Variants in KAT6A observed in about 807,000 individuals in gnomAD.
The protein encoded by KAT6A is lysine acetyltransferase 6A.
In KAT6A, 9 loss-of-function variants were observed where a neutral mutation model predicts 198.4. The observed-to-expected ratio is 0.05, with a 90% CI of 0.03 to 0.08. The LOEUF (loss-of-function observed/expected upper bound fraction) is 0.08, where lower values mean the gene tolerates loss of function less well. Ranked by LOEUF, KAT6A falls within the 10% of genes least tolerant of loss-of-function variation. The probability of loss-of-function intolerance (pLI) is 1.00; values close to 1 mark genes in which losing one functional copy is unlikely to be tolerated. For missense variants in KAT6A, 2,077 were observed against 2,509.9 expected (o/e 0.83, Z 3.69); for synonymous variants, 890 against 883.0 (o/e 1.01, Z -0.14).
intron 3 of KAT6A, among the ~76,000 whole-genome samples, chr8:41,985,666 C>G (rs887534633): frequency 6.6e-6 from 1 of 152,194 alleles, no homozygotes; most frequent in African/African-American, 2.4e-5. Context: ...GAGGCAGACA[C>G]AGTAACTCCT....
intron 2 of KAT6A, among the ~76,000 whole-genome samples, chr8:42,024,082 G>A (rs915349912): frequency 6.6e-6 from 1 of 152,050 alleles, no homozygotes; most frequent in Non-Finnish European, 1.5e-5. Flanking sequence ...TAATAAGAAG[G>A]AGTACACTCT....
Position 42,042,780 on chromosome 8 carries a change from T to C in KAT6A, c.600+5598A>G, listed in dbSNP as rs537241829. ...CTATGCCACCAAATAACAATACTTTTAATGATCTGGCTGATTACCATGAAA... is the reference window on the plus strand; with the variant it reads ...CTATGCCACCAAATAACAATACTTTCAATGATCTGGCTGATTACCATGAAA... On this transcript the variant is annotated intron_variant, in intron 2 of 16. Coordinates refer to ENST00000265713, the MANE Select transcript of KAT6A (RefSeq NM_006766.5). Among the ~76,000 whole-genome samples the C allele has an allele frequency of 5.3e-5, 8 of 152,348 alleles. No individual in the cohort carries two copies. The East Asian group carries it at 1.5e-3, about 29-fold the overall frequency.
rs1462439468 is a variant in KAT6A, at chr8:42,034,553, A to G, written c.600+13825T>C. On this transcript the variant is annotated intron_variant, in intron 2 of 16. Coordinates refer to ENST00000265713, the MANE Select transcript of KAT6A (RefSeq NM_006766.5). ...TTTAGAAAGATGGTAATAACAGTTA[A>G]CATTTATGGAGCACTTATGTGCTAA... Among the ~76,000 whole-genome samples, 3 of 152,256 alleles carry G rather than the reference A, an allele frequency of 2.0e-5. No individual in the cohort carries two copies. In the East Asian group the frequency reaches 5.8e-4, roughly 29 times the overall value.
At chr8:42,024,791 C>A (rs1021972324) in intron 2 of KAT6A, among the ~76,000 whole-genome samples, 5 of 152,130 alleles carry the variant, frequency 3.3e-5, no homozygotes, top group African/African-American at 1.2e-4. Flanking sequence ...GAGTAGTATT[C>A]CATGGTGTGT....
In KAT6A at chr8:41,934,713, T is replaced by A; in HGVS notation, c.3507A>T (p.Arg1169=). 1 of 1,614,234 alleles carries A rather than the reference T, an allele frequency of 6.2e-7. No homozygotes were observed. ...KPIHWKKRPG[R]KPGFKLSREI... is the part of the protein sequence containing the mutation. Reference sequence around the variant, plus strand: ...CCCGACTCAACTTAAATCCTGGTTTTCGACCAGGTCTTTTCTTCCAGTGGA... The same window carrying A: ...CCCGACTCAACTTAAATCCTGGTTTACGACCAGGTCTTTTCTTCCAGTGGA... Residue 1169 remains arginine, a synonymous_variant, in exon 17 of 17, where the codon CGA becomes CGT. Coordinates refer to ENST00000265713, the MANE Select transcript of KAT6A (RefSeq NM_006766.5).
At chr8:42,009,083 A>G (rs560328550) in intron 2 of KAT6A, among the ~76,000 whole-genome samples, 2 of 152,324 alleles carry the variant, frequency 1.3e-5, no homozygotes, top group African/African-American at 4.8e-5. Flanking sequence ...ACCTTTTAAT[A>G]TCACGCTCTC....
chr8:41,945,738 C>T (rs13255331), intron 12 of KAT6A, among the ~76,000 whole-genome samples: 42,336 of 151,714 alleles, frequency 0.28, 6,140 homozygotes, highest in Middle Eastern at 0.44. Flanking sequence ...AAAAATATTT[C>T]GTGTCCAAGG....
intron 8 of KAT6A, among the ~76,000 whole-genome samples, chr8:41,961,751 C>CAAAAAA (rs913470847): frequency 2.1e-5 from 1 of 46,516 alleles, no homozygotes; most frequent in Non-Finnish European, 4.4e-5. Flanking sequence ...GACTCCATCT[C>CAAAAAA]AAAAAAAAAA....
At chr8:42,031,858 T>C (rs1193129094) in intron 2 of KAT6A, among the ~76,000 whole-genome samples, 1 of 151,834 alleles carries the variant, frequency 6.6e-6, no homozygotes, top group Non-Finnish European at 1.5e-5. Context: ...CTTGAACTCC[T>C]GACCTCAGGT....
chr8:41,935,871 T>C (rs1821824934), intron 16 of KAT6A, among the ~76,000 whole-genome samples: 1 of 152,264 alleles, frequency 6.6e-6, no homozygotes, highest in African/African-American at 2.4e-5. Flanking sequence ...AATAAATTTT[T>C]AGTTTCCTAG....
At chr8:42,027,535 GTCCAGTAATGTA>G (rs1826881958) in intron 2 of KAT6A, among the ~76,000 whole-genome samples, 1 of 152,084 alleles carries the variant, frequency 6.6e-6, no homozygotes, top group African/African-American at 2.4e-5. Context: ...GGTTGTACGT[GTCCAGTAATGTA>G]TCCATTTCCT....
chr8:41,940,855 G>A lies in KAT6A; in HGVS notation c.3026C>T (p.Thr1009Met), dbSNP rs750975358. ...GAAATGCGTTACCTTTCGCTTCAGC[G>A]TGGGCTTTGTGAGAATTGGTGGCGA... ...SSSPPILTKP[T>M]LKRKKPFLHR... Residue 1009 changes from threonine to methionine, a missense_variant, in exon 15 of 17, where the codon ACG (threonine) becomes ATG (methionine). Around this residue, in one of 13 missense-constraint regions of KAT6A, gnomAD observed 301 missense variants for 272.2 expected, o/e 1.11. Coordinates refer to ENST00000265713, the MANE Select transcript of KAT6A (RefSeq NM_006766.5). The A allele has an allele frequency of 5.6e-6, 9 of 1,610,856 alleles. No individual in the cohort carries two copies. Among genetic ancestry groups the A allele is most frequent in the East Asian group, 2.2e-5 (1 of 44,864 alleles).
chr8:42,024,532 A>T (rs1426217055), intron 2 of KAT6A, among the ~76,000 whole-genome samples: 3 of 152,288 alleles, frequency 2.0e-5, no homozygotes, highest in African/African-American at 7.2e-5. Flanking sequence ...ATGAAATTAG[A>T]ACTTATTCCT....
At chr8:42,019,998 T>C (rs1178621278) in intron 2 of KAT6A, among the ~76,000 whole-genome samples, 4 of 152,330 alleles carry the variant, frequency 2.6e-5, no homozygotes, top group Admixed American at 6.5e-5. Flanking sequence ...TGTTCCAAGA[T>C]AGCATATTCA....
rs796200647 is a variant in KAT6A, at chr8:41,934,031, C to T, written c.4189G>A (p.Glu1397Lys). 14 of 1,614,006 alleles carry T rather than the reference C, an allele frequency of 8.7e-6. No homozygotes were observed. The highest frequency in any genetic ancestry group is 2.7e-5 in the African/African-American group (2 of 74,922). Residue 1397 changes from glutamate to lysine, a missense_variant, in exon 17 of 17, where the codon GAA (glutamate) becomes AAA (lysine). By Grantham distance (56) the Glu-to-Lys change is moderately conservative (BLOSUM62 1). This residue lies in a region of KAT6A where 178 missense variants were observed against 220.8 expected (regional missense o/e 0.81). Coordinates refer to ENST00000265713, the MANE Select transcript of KAT6A (RefSeq NM_006766.5). ...TCTTCCTTAGTGTGGGAGTCTTCTT[C>T]GTGGTCGTCCTCAGACCCAGCCATC... ...EQMAGSEDDH[E>K]EDSHTKEELI...
intron 2 of KAT6A, among the ~76,000 whole-genome samples, chr8:41,995,925 C>T (rs543213526): frequency 6.6e-6 from 1 of 152,278 alleles, no homozygotes; most frequent in African/African-American, 2.4e-5. Context: ...ATTCACCCAC[C>T]TTGGCCTCCC....
At chr8:41,944,641 G>C (rs1822290003) in intron 12 of KAT6A, among the ~76,000 whole-genome samples, 1 of 152,156 alleles carries the variant, frequency 6.6e-6, no homozygotes, top group African/African-American at 2.4e-5. Context: ...AGCAGTCTAA[G>C]AATGTTAATT....
At position 41,933,210 on chromosome 8, in the gene KAT6A, T is replaced by G. The variant is rs762062094; in HGVS notation, c.5010A>C (p.Pro1670=). The change falls in exon 17 of 17, where the codon CCA becomes CCC. Residue 1670 remains proline (P), a synonymous_variant. Transcript: ENST00000265713. This position sits in a 1 kb window ranked among gnomAD's most constrained non-coding sequence, Gnocchi z 6.2. ...GCTGCTGCTGGGGTGGTGGAGGCTG[T>G]GGTGCTGGTTGTGGTTGTGGCGGCG... ...QPPPPQPQPA[P]QPPPPQQQPQ... 1 of 1,578,910 alleles carries G rather than the reference T, an allele frequency of 6.3e-7. No homozygotes were observed. Among genetic ancestry groups the G allele is most frequent in the Admixed American group, 1.8e-5 (1 of 55,698 alleles).
chr8:41,946,687 G>A lies in KAT6A; in HGVS notation c.1903-3C>T, dbSNP rs1822412761. Reference sequence around the variant, plus strand: ...TACTTCTGTTGGCAGTGCTTTTCCTGGTGGAGAAAACACAAGTCAAGTTTG... The same window carrying A: ...TACTTCTGTTGGCAGTGCTTTTCCTAGTGGAGAAAACACAAGTCAAGTTTG... On this transcript the variant is annotated splice_region_variant and splice_polypyrimidine_tract_variant and intron_variant, in intron 11 of 16. Transcript: ENST00000265713. 9 of 1,565,194 alleles carry A rather than the reference G, an allele frequency of 5.8e-6. No homozygotes were observed. Among genetic ancestry groups the A allele is most frequent in the African/African-American group, 2.7e-5 (2 of 73,702 alleles).
Sources: allele counts gnomAD v4.1 joint callset (sites outside exome capture counted in the v4.1 genomes callset), GRCh38; gene constraint gnomAD v4.1.1; regional missense constraint gnomAD v4.1.1; non-coding constraint Gnocchi (gnomAD v3.1); transcripts MANE v1.5; gene names NCBI Gene and HGNC (gene_info 2026-07-23, HGNC 2026-07-21).